Variants in SPON1 observed in about 807,000 individuals in gnomAD.
SPON1 encodes spondin-1.
Under a neutral mutation model 111.7 loss-of-function variants are expected in SPON1, and 52 were observed. The ratio of observed to expected loss-of-function variants is 0.47; its 90% CI spans 0.37 to 0.59. The LOEUF is 0.59. SPON1 is among the 20% of genes least tolerant of loss of function. The pLI, the probability that SPON1 is intolerant of heterozygous loss-of-function variation, is 0.00. For synonymous variants in SPON1, 410 were observed against 395.8 expected (o/e 1.04, Z -0.43); for missense variants, 957 against 1,068.5 (o/e 0.90, Z 1.46).
intron 3 of SPON1, among the ~76,000 whole-genome samples, chr11:14,067,010 C>A (rs1057316361): frequency 1.3e-5 from 2 of 150,376 alleles, no homozygotes; most frequent in African/African-American, 2.4e-5. Flanking sequence ...CCATCTATAC[C>A]AAAAAAAAAT....
At position 14,055,528 on chromosome 11, in the gene SPON1, C is replaced by G. The variant is rs574284054; in HGVS notation, c.479+13874C>G. Reference sequence around the variant, plus strand: ...TAATTCTTCCTTAACGATAGAAAGACCAGGCTTCTGCCAGGTTAACGTCCC... The same window carrying G: ...TAATTCTTCCTTAACGATAGAAAGAGCAGGCTTCTGCCAGGTTAACGTCCC... On this transcript the variant is annotated intron_variant, in intron 3 of 15. Coordinates refer to ENST00000576479, the MANE Select transcript of SPON1 (RefSeq NM_006108.4). Among the ~76,000 whole-genome samples the G allele has an allele frequency of 1.8e-3, 271 of 152,290 alleles. 1 individual carries two copies. The highest frequency in any genetic ancestry group is 6.3e-3 in the African/African-American group (260 of 41,562).
At chr11:14,056,631 T>G (rs1408049499) in intron 3 of SPON1, among the ~76,000 whole-genome samples, 1 of 152,164 alleles carries the variant, frequency 6.6e-6, no homozygotes, top group Non-Finnish European at 1.5e-5. Flanking sequence ...CGGTGGCTCA[T>G]GTAATCCCAG....
chr11:14,036,005 T>A (rs1458458006), intron 2 of SPON1, among the ~76,000 whole-genome samples: 4 of 152,120 alleles, frequency 2.6e-5, no homozygotes, highest in African/African-American at 9.7e-5. Flanking sequence ...TTAAAAAGGC[T>A]TTGGAAATAG....
intron 3 of SPON1, among the ~76,000 whole-genome samples, chr11:14,062,464 A>G (rs1368831689): frequency 6.6e-6 from 1 of 152,220 alleles, no homozygotes; most frequent in Non-Finnish European, 1.5e-5. Context: ...CAACCAGTAC[A>G]ATAGCATCGC....
At position 14,071,504 on chromosome 11, in the gene SPON1, C is replaced by T. The variant is rs143435770; in HGVS notation, c.480-3841C>T. Among the ~76,000 whole-genome samples the T allele has an allele frequency of 3.4e-3, 518 of 152,262 alleles. 2 individuals are homozygous for T. Among genetic ancestry groups the T allele is most frequent in the African/African-American group, 0.012 (486 of 41,546 alleles). On this transcript the variant is annotated intron_variant, in intron 3 of 15. Transcript: ENST00000576479. ...GTTACAATGCCCTATGTCTAACGAC[C>T]CACTAGACTGCCCACCATCACAACC...
intron 6 of SPON1, among the ~76,000 whole-genome samples, chr11:14,226,914 C>T (rs1003153812): frequency 1.8e-4 from 28 of 152,214 alleles, no homozygotes; most frequent in Admixed American, 1.3e-3. Flanking sequence ...TCATTCCAAT[C>T]TCTGCTTCCA....
intron 6 of SPON1, among the ~76,000 whole-genome samples, chr11:14,158,443 C>G (rs1381562159): frequency 1.3e-5 from 2 of 152,144 alleles, no homozygotes; most frequent in African/African-American, 4.8e-5. Flanking sequence ...GAAGAAACAG[C>G]AGTGCCAAAC....
At chr11:14,263,738 T>G (rs543581822) in intron 15 of SPON1, among the ~76,000 whole-genome samples, 24 of 152,032 alleles carry the variant, frequency 1.6e-4, no homozygotes, top group African/African-American at 4.8e-4. Context: ...CTTAGAAAAG[T>G]ACATTCCAGG....
intron 5 of SPON1, among the ~76,000 whole-genome samples, chr11:14,131,676 G>A (rs1440484324): frequency 6.6e-6 from 1 of 152,124 alleles, no homozygotes; most frequent in African/African-American, 2.4e-5. Context: ...CTCCAGCTTG[G>A]TAATTATTAT....
chr11:13,986,072 C>T (rs1848180166), intron 2 of SPON1, among the ~76,000 whole-genome samples: 1 of 152,166 alleles, frequency 6.6e-6, no homozygotes, highest in South Asian at 2.1e-4. Flanking sequence ...TTGTTGAGTG[C>T]CTGCTGGGTG....
At chr11:14,253,998 C>T (rs1264864703) in intron 7 of SPON1, among the ~76,000 whole-genome samples, 1 of 152,198 alleles carries the variant, frequency 6.6e-6, no homozygotes, top group African/African-American at 2.4e-5. Flanking sequence ...ATAGCTTAGA[C>T]TCAGGATGTT....
At chr11:14,250,798 A>C (rs1307289603) in intron 7 of SPON1, among the ~76,000 whole-genome samples, 1 of 152,232 alleles carries the variant, frequency 6.6e-6, no homozygotes, top group Non-Finnish European at 1.5e-5. Context: ...AAACTCATAT[A>C]GATTCTTATT....
At chr11:14,061,121 T>A (rs1848788316) in intron 3 of SPON1, among the ~76,000 whole-genome samples, 1 of 152,200 alleles carries the variant, frequency 6.6e-6, no homozygotes, top group Non-Finnish European at 1.5e-5. Context: ...TAAGCTCAAT[T>A]TGTGGGACAG....
chr11:14,150,434 T>C (rs1458629385), intron 6 of SPON1, among the ~76,000 whole-genome samples: 2 of 151,920 alleles, frequency 1.3e-5, no homozygotes, highest in Non-Finnish European at 2.9e-5. Flanking sequence ...CAGTATGTTT[T>C]CAAATATAGC....
chr11:14,154,699 T>C lies in SPON1; in HGVS notation c.825+19131T>C, dbSNP rs931255242. ...AATTTCTGCAGCAGGCTTGAATTCTTCCCCAGAAAATGGGTTTTTCTTTTC... is the reference window on the plus strand; with the variant it reads ...AATTTCTGCAGCAGGCTTGAATTCTCCCCCAGAAAATGGGTTTTTCTTTTC... On this transcript the variant is annotated intron_variant, in intron 6 of 15. Transcript: ENST00000576479. 3.9e-5 allele frequency among the ~76,000 whole-genome samples: 6 copies of C among 152,240 alleles called. No individual in the cohort carries two copies. In the East Asian group the frequency reaches 9.6e-4, roughly 24 times the overall value.
intron 6 of SPON1, among the ~76,000 whole-genome samples, chr11:14,206,129 TCTTCA>T (rs1246787669): frequency 6.6e-6 from 1 of 152,220 alleles, no homozygotes; most frequent in Non-Finnish European, 1.5e-5. Flanking sequence ...TATTCTGTTT[TCTTCA>T]CTTAACACTG....
chr11:14,169,347 T>C (rs1336707115), intron 6 of SPON1, among the ~76,000 whole-genome samples: 2 of 149,716 alleles, frequency 1.3e-5, no homozygotes, highest in Non-Finnish European at 3.0e-5. Flanking sequence ...TTTGATGGGG[T>C]TTTTTTTTTC....
At chr11:13,995,541 A>G (rs1269937492) in intron 2 of SPON1, among the ~76,000 whole-genome samples, 3 of 152,152 alleles carry the variant, frequency 2.0e-5, no homozygotes, top group Admixed American at 6.5e-5. Flanking sequence ...CTCACTTATC[A>G]CGAGAACAGC....
At chr11:14,031,723 A>G (rs1848560527) in intron 2 of SPON1, among the ~76,000 whole-genome samples, 1 of 152,074 alleles carries the variant, frequency 6.6e-6, no homozygotes, top group Non-Finnish European at 1.5e-5. Flanking sequence ...TACTTTTTAA[A>G]TCAATAAGGG....
Sources: gnomAD v4.1 joint callset for allele counts (sites outside exome capture counted in the v4.1 genomes callset) on GRCh38, gnomAD v4.1.1 for gene constraint, MANE v1.5 for transcripts, NCBI Gene and HGNC (gene_info 2026-07-23, HGNC 2026-07-21) for gene names.